The following RFX4 variants were observed in gnomAD, a reference collection of about 807,000 sequenced individuals.
RFX4 encodes the protein transcription factor RFX4.
A neutral mutation model predicts 95.0 loss-of-function variants in RFX4; 10 were observed. The ratio of observed to expected loss-of-function variants is 0.11; its 90% CI spans 0.06 to 0.18. The LOEUF is 0.18. Among genes scored for constraint, RFX4 ranks in the 10% least tolerant of loss-of-function variants. The probability of loss-of-function intolerance (pLI) is 1.00; values close to 1 mark genes in which losing one functional copy is unlikely to be tolerated. For missense variants in RFX4, 640 were observed against 922.0 expected (o/e 0.69, Z 3.96); for synonymous variants, 321 against 340.7 (o/e 0.94, Z 0.64).
chr12:106,611,634 C>T (rs1446827692), intron 2 of RFX4, among the ~76,000 whole-genome samples: 2 of 152,102 alleles, frequency 1.3e-5, no homozygotes, highest in African/African-American at 4.8e-5. Context: ...CCTCAGCCTC[C>T]TGAGTAGCTG....
chr12:106,622,730 C>T (rs560725627), intron 2 of RFX4, among the ~76,000 whole-genome samples: 97 of 151,718 alleles, frequency 6.4e-4, no homozygotes, highest in Non-Finnish European at 9.1e-4. Flanking sequence ...AAGCAGTTCT[C>T]CTGCCTCAGC....
At chr12:106,652,043 C>T (rs2137313621) in intron 3 of RFX4, among the ~76,000 whole-genome samples, 1 of 152,304 alleles carries the variant, frequency 6.6e-6, no homozygotes, top group South Asian at 2.1e-4. Context: ...AGGCTAACCT[C>T]CCAGGCTGAT....
intron 1 of RFX4, among the ~76,000 whole-genome samples, chr12:106,589,374 C>T (rs1050703050): frequency 6.6e-6 from 1 of 152,158 alleles, no homozygotes; most frequent in Non-Finnish European, 1.5e-5. Flanking sequence ...TATGGACACA[C>T]TGAGAGTGGT....
At chr12:106,606,154 C>T (rs1298414506) in intron 1 of RFX4, among the ~76,000 whole-genome samples, 1 of 152,212 alleles carries the variant, frequency 6.6e-6, no homozygotes, top group African/African-American at 2.4e-5. Flanking sequence ...CCTGCAAGAA[C>T]AGGCCCTTCT....
chr12:106,620,342 GA>G, intron 2 of RFX4, among the ~76,000 whole-genome samples: 1 of 152,244 alleles, frequency 6.6e-6, no homozygotes, highest in East Asian at 1.9e-4. Context: ...ACAAAGAAAG[GA>G]ATTTTACAGC....
At chr12:106,660,345 G>A (rs1267627132) in intron 4 of RFX4, among the ~76,000 whole-genome samples, 1 of 151,956 alleles carries the variant, frequency 6.6e-6, no homozygotes, top group East Asian at 2.0e-4. Flanking sequence ...GAACCAGGCT[G>A]GTTGTGGAAA....
chr12:106,674,503 G>T (rs984914778), intron 4 of RFX4, among the ~76,000 whole-genome samples: 2 of 151,850 alleles, frequency 1.3e-5, no homozygotes, highest in Non-Finnish European at 2.9e-5. Context: ...ACTAATTTGC[G>T]TATTTTTAGT....
chr12:106,723,976 C>G (rs1043867947), intron 13 of RFX4, among the ~76,000 whole-genome samples: 4 of 152,152 alleles, frequency 2.6e-5, no homozygotes, highest in African/African-American at 9.7e-5. Flanking sequence ...ACCTCATTTA[C>G]CTTTCTTTAG....
chr12:106,675,564 G>A (rs2041375825), intron 4 of RFX4, among the ~76,000 whole-genome samples: 1 of 152,062 alleles, frequency 6.6e-6, no homozygotes, highest in African/African-American at 2.4e-5. Context: ...ATTCCACAAT[G>A]TATACATATT....
chr12:106,680,120 C>A (rs1007696230), intron 4 of RFX4, among the ~76,000 whole-genome samples: 1 of 152,180 alleles, frequency 6.6e-6, no homozygotes, highest in Non-Finnish European at 1.5e-5. Context: ...ATTTTAAAAG[C>A]CTTTTTTACT....
Position 106,608,900 on chromosome 12 carries a change from C to T in RFX4, c.130+17C>T, listed in dbSNP as rs371319629. ...ATGATGAAAGTAAGTGCTTGAAACTCATTCTTCCATGACATCCCAGACATG... is the reference window on the plus strand; with the variant it reads ...ATGATGAAAGTAAGTGCTTGAAACTTATTCTTCCATGACATCCCAGACATG... On this transcript the variant is annotated intron_variant, in intron 2 of 17. Coordinates refer to ENST00000392842, the MANE Select transcript of RFX4 (RefSeq NM_213594.3). The T allele has an allele frequency of 1.4e-5, 23 of 1,601,968 alleles. No homozygotes were observed. Among genetic ancestry groups the T allele is most frequent in the Admixed American group, 1.0e-4 (6 of 58,062 alleles).
At position 106,682,199 on chromosome 12, in the gene RFX4, G is replaced by A. The variant is rs530712727; in HGVS notation, c.377+145G>A. Reference sequence around the variant, plus strand: ...AGGGAATATGGAAGAGCTTTATGACGGCCAGGGCCCCTCTCTCAGGACTCC... The same window carrying A: ...AGGGAATATGGAAGAGCTTTATGACAGCCAGGGCCCCTCTCTCAGGACTCC... On this transcript the variant is annotated intron_variant, in intron 5 of 17. Coordinates refer to ENST00000392842, the MANE Select transcript of RFX4 (RefSeq NM_213594.3). The A allele has an allele frequency of 1.8e-5, 14 of 756,780 alleles. No individual in the cohort carries two copies. The Admixed American group carries it at 2.1e-4, about 11-fold the overall frequency. The allele number at this position is 756,780 out of a possible 1,614,324, so 46.9% of individuals were successfully genotyped here. A position where few individuals can be genotyped will look rare whatever the true frequency, so the allele number is the denominator to read the frequency against.
intron 2 of RFX4, among the ~76,000 whole-genome samples, chr12:106,612,594 T>C (rs2039983218): frequency 6.6e-6 from 1 of 152,164 alleles, no homozygotes; most frequent in African/African-American, 2.4e-5. Flanking sequence ...TCCCAGCACT[T>C]TGGGAGGCCG....
intron 7 of RFX4, among the ~76,000 whole-genome samples, chr12:106,691,629 C>T (rs1341533263): frequency 1.3e-5 from 2 of 152,208 alleles, no homozygotes; most frequent in Non-Finnish European, 2.9e-5. Flanking sequence ...GAGGTTACAA[C>T]TTATGCTAGT....
At chr12:106,611,515 CT>C (rs60164967) in intron 2 of RFX4, among the ~76,000 whole-genome samples, 171 of 140,256 alleles carry the variant, frequency 1.2e-3, no homozygotes, top group East Asian at 3.3e-3. Flanking sequence ...CAGCTTTATT[CT>C]TTTTTTTTTT....
intron 4 of RFX4, among the ~76,000 whole-genome samples, chr12:106,658,008 G>A (rs901526403): frequency 2.6e-5 from 4 of 151,980 alleles, no homozygotes; most frequent in East Asian, 1.9e-4. Context: ...TTATATATAC[G>A]TAATGATTTT....
At chr12:106,583,745 C>T (rs566076851) in intron 1 of RFX4, 216 of 167,288 alleles carry the variant, frequency 1.3e-3, no homozygotes, top group African/African-American at 4.8e-3. Flanking sequence ...GTATGGGGGC[C>T]TCGGAATAGC....
intron 3 of RFX4, among the ~76,000 whole-genome samples, chr12:106,651,699 G>C (rs1197968778): frequency 6.6e-6 from 1 of 152,100 alleles, no homozygotes; most frequent in East Asian, 1.9e-4. Flanking sequence ...AAATAGACAG[G>C]GTACAAAGAA....
At chr12:106,705,708 A>G (rs2042071219) in intron 8 of RFX4, among the ~76,000 whole-genome samples, 1 of 152,070 alleles carries the variant, frequency 6.6e-6, no homozygotes, top group South Asian at 2.1e-4. Flanking sequence ...GGATGGAGTA[A>G]GCTGAGGGGA....
Sources: allele counts gnomAD v4.1 joint callset (sites outside exome capture counted in the v4.1 genomes callset), GRCh38; gene constraint gnomAD v4.1.1; transcripts MANE v1.5; gene names NCBI Gene and HGNC (gene_info 2026-07-23, HGNC 2026-07-21).